Variants in SLC35F4 observed in about 807,000 individuals in gnomAD.
The protein encoded by SLC35F4 is solute carrier family 35 member F4.
In SLC35F4, 24 loss-of-function variants were observed where a neutral mutation model predicts 44.2. The observed-to-expected ratio is 0.54, with a 90% CI of 0.39 to 0.76. The LOEUF is 0.76. Among genes scored for constraint, SLC35F4 ranks in the 30% least tolerant of loss-of-function variants. The pLI is 0.00. For synonymous variants in SLC35F4, 238 were observed against 223.6 expected (o/e 1.06, Z -0.57); for missense variants, 562 against 586.1 (o/e 0.96, Z 0.42).
chr14:57,702,193 T>G (rs2075558717), intron 1 of SLC35F4, among the ~76,000 whole-genome samples: 1 of 152,118 alleles, frequency 6.6e-6, no homozygotes, highest in Non-Finnish European at 1.5e-5. Context: ...GATAATTATC[T>G]CAACACTGTG....
intron 1 of SLC35F4, among the ~76,000 whole-genome samples, chr14:57,861,007 C>G (rs1180285678): frequency 1.3e-5 from 2 of 152,108 alleles, no homozygotes; most frequent in Non-Finnish European, 2.9e-5. Flanking sequence ...TGTTCTATGC[C>G]TTTACTGTGT....
rs61369573 is a variant in SLC35F4, at chr14:57,720,875, A to G, written c.104-126751T>C. On this transcript the variant is annotated intron_variant, in intron 1 of 7. Transcript: ENST00000556826. ...GATGCTTCCTGTCCTCAAACATTGGACTTCAAGTTCTTCAGTTTTGGGATT... is the reference window on the plus strand; with the variant it reads ...GATGCTTCCTGTCCTCAAACATTGGGCTTCAAGTTCTTCAGTTTTGGGATT... 2.6e-4 allele frequency among the ~76,000 whole-genome samples: 39 copies of G among 150,792 alleles called. No individual in the cohort carries two copies. In the East Asian group the frequency reaches 6.9e-3, roughly 27 times the overall value.
At chr14:57,684,916 G>C (rs1207801425) in intron 1 of SLC35F4, among the ~76,000 whole-genome samples, 1 of 152,136 alleles carries the variant, frequency 6.6e-6, no homozygotes, top group Non-Finnish European at 1.5e-5. Flanking sequence ...TTAGCTGCCT[G>C]GGAGGGTTTA....
intron 1 of SLC35F4, among the ~76,000 whole-genome samples, chr14:57,952,056 G>A (rs566904393): frequency 2.0e-5 from 3 of 152,178 alleles, no homozygotes; most frequent in Non-Finnish European, 4.4e-5. Flanking sequence ...TATCTGATGG[G>A]TGCCCCTCTG....
chr14:57,902,289 C>T (rs888996834), intron 1 of SLC35F4, among the ~76,000 whole-genome samples: 8 of 152,044 alleles, frequency 5.3e-5, no homozygotes, highest in African/African-American at 1.4e-4. Context: ...TCTGGCTGGG[C>T]GCGGTGGCTC....
At chr14:57,864,960 G>A (rs185492167) in intron 1 of SLC35F4, among the ~76,000 whole-genome samples, 5 of 152,210 alleles carry the variant, frequency 3.3e-5, no homozygotes, top group African/African-American at 9.6e-5. Context: ...GTCCAAAAAC[G>A]TGAAAGCATC....
intron 1 of SLC35F4, among the ~76,000 whole-genome samples, chr14:57,638,788 A>G (rs1272919266): frequency 6.6e-6 from 1 of 152,084 alleles, no homozygotes; most frequent in African/African-American, 2.4e-5. Context: ...GATGACAGCC[A>G]TGATTTTCCC....
intron 1 of SLC35F4, among the ~76,000 whole-genome samples, chr14:57,599,418 G>C (rs181214983): frequency 6.2e-4 from 95 of 152,332 alleles, no homozygotes; most frequent in Middle Eastern, 3.4e-3. Context: ...GAGCCTTCCA[G>C]GTGATTCCAA....
chr14:57,594,431 A>G (rs148150044), intron 1 of SLC35F4, among the ~76,000 whole-genome samples: 1 of 152,194 alleles, frequency 6.6e-6, no homozygotes, highest in Non-Finnish European at 1.5e-5. Context: ...AGGCCTGAAC[A>G]GTAAAATATA....
intron 1 of SLC35F4, among the ~76,000 whole-genome samples, chr14:57,854,823 G>A (rs78279466): frequency 0.017 from 2,579 of 152,272 alleles, 82 homozygotes; most frequent in African/African-American, 0.055. Flanking sequence ...AGGTAGAACC[G>A]TCCCTTTCTG....
intron 1 of SLC35F4, among the ~76,000 whole-genome samples, chr14:57,743,931 CA>C (rs1433102787): frequency 6.6e-6 from 1 of 152,160 alleles, no homozygotes; most frequent in African/African-American, 2.4e-5. Context: ...AGATGCAAAT[CA>C]ATAAACATAA....
At chr14:57,975,158 T>C (rs1357972965), downstream of SLC35F4, among the ~76,000 whole-genome samples, 1 of 152,208 alleles carries the variant, frequency 6.6e-6, no homozygotes, top group Non-Finnish European at 1.5e-5. Flanking sequence ...TTGAGGTGAC[T>C]ATTTGGTAAC....
chr14:57,885,085 A>T (rs991258004), intron 1 of SLC35F4, among the ~76,000 whole-genome samples: 9 of 152,144 alleles, frequency 5.9e-5, no homozygotes, highest in African/African-American at 2.2e-4. Flanking sequence ...ATACATAGGC[A>T]TGGTGGCCTG....
chr14:57,622,903 A>G (rs1485984062), intron 1 of SLC35F4, among the ~76,000 whole-genome samples: 2 of 152,158 alleles, frequency 1.3e-5, no homozygotes, highest in African/African-American at 4.8e-5. Flanking sequence ...AAACTGCATC[A>G]ACTAACAGGC....
intron 1 of SLC35F4, among the ~76,000 whole-genome samples, chr14:57,744,731 G>GA (rs1255257173): frequency 2.6e-5 from 4 of 151,956 alleles, no homozygotes; most frequent in Admixed American, 1.3e-4. Flanking sequence ...CAGAGTATTG[G>GA]AAAAAACTAC....
chr14:57,798,970 TTGA>T (rs1207159570), intron 1 of SLC35F4, among the ~76,000 whole-genome samples: 1 of 152,204 alleles, frequency 6.6e-6, no homozygotes, highest in African/African-American at 2.4e-5. Flanking sequence ...TTTTTACCAC[TTGA>T]TAATAGAATT....
chr14:57,858,522 G>T (rs999880010), intron 1 of SLC35F4, among the ~76,000 whole-genome samples: 2 of 151,760 alleles, frequency 1.3e-5, no homozygotes, highest in Non-Finnish European at 2.9e-5. Context: ...ACACACCAGG[G>T]CCTGTTGTGG....
intron 1 of SLC35F4, among the ~76,000 whole-genome samples, chr14:57,846,100 G>C (rs528420398): frequency 1.2e-4 from 19 of 152,182 alleles, no homozygotes; most frequent in African/African-American, 2.4e-4. Flanking sequence ...AAACAGGTAA[G>C]AAAGGAAGGG....
chr14:57,575,350 A>T (rs2068727438), intron 4 of SLC35F4, among the ~76,000 whole-genome samples: 1 of 152,160 alleles, frequency 6.6e-6, no homozygotes, highest in Non-Finnish European at 1.5e-5. Flanking sequence ...CTTTGGTGGC[A>T]CATGCCTGTA....
Sources: allele counts gnomAD v4.1 joint callset (sites outside exome capture counted in the v4.1 genomes callset), GRCh38; gene constraint gnomAD v4.1.1; transcripts MANE v1.5; gene names NCBI Gene and HGNC (gene_info 2026-07-23, HGNC 2026-07-21).